The following ADGRV1 variants were observed in gnomAD, a reference collection of about 807,000 sequenced individuals.
ADGRV1 encodes the protein adhesion G protein-coupled receptor V1, also known as G-protein coupled receptor 98.
In ADGRV1, 359 loss-of-function variants were observed where a neutral mutation model predicts 596.2. The observed-to-expected ratio is 0.60, with a 90% CI of 0.55 to 0.66. ADGRV1 has a LOEUF of 0.66. Among genes scored for constraint, ADGRV1 ranks in the 30% least tolerant of loss-of-function variants. The probability of loss-of-function intolerance (pLI) is 0.00; values close to 1 mark genes in which losing one functional copy is unlikely to be tolerated. For synonymous variants in ADGRV1, 2,681 were observed against 2,679.2 expected (o/e 1.00, Z -0.02); for missense variants, 7,274 against 7,575.6 (o/e 0.96, Z 1.48).
At chr5:91,108,349 A>G (rs2126679127) in intron 87 of ADGRV1, among the ~76,000 whole-genome samples, 1 of 152,218 alleles carries the variant, frequency 6.6e-6, no homozygotes. Context: ...GATTTTATCA[A>G]CACCTGTGAC....
chr5:90,845,681 A>G (rs991538325), intron 78 of ADGRV1, among the ~76,000 whole-genome samples: 34 of 152,004 alleles, frequency 2.2e-4, no homozygotes, highest in Non-Finnish European at 1.0e-4. Flanking sequence ...AATTTTCCCT[A>G]GTATAAAAGC....
intron 22 of ADGRV1, among the ~76,000 whole-genome samples, chr5:90,673,802 A>G (rs996765850): frequency 1.5e-4 from 23 of 152,320 alleles, no homozygotes; most frequent in African/African-American, 5.1e-4. Flanking sequence ...ACAGGAGGAT[A>G]AGACATTCAG....
intron 87 of ADGRV1, among the ~76,000 whole-genome samples, chr5:91,133,510 C>T (rs1794385638): frequency 6.6e-6 from 1 of 152,234 alleles, no homozygotes; most frequent in African/African-American, 2.4e-5. Context: ...AGCCACCTCA[C>T]ATCCAGGTTT....
At chr5:90,764,590 C>T (rs907922246) in intron 59 of ADGRV1, among the ~76,000 whole-genome samples, 1 of 152,198 alleles carries the variant, frequency 6.6e-6, no homozygotes, top group Non-Finnish European at 1.5e-5. Flanking sequence ...CCTGCATTTC[C>T]TTTGTCCCAA....
At chr5:90,889,903 CATAA>C (rs961594971) in intron 83 of ADGRV1, among the ~76,000 whole-genome samples, 164 of 152,216 alleles carry the variant, frequency 1.1e-3, no homozygotes, top group African/African-American at 3.9e-3. Context: ...CTTTCTTGCA[CATAA>C]ATAGTTATTC....
chr5:90,672,566 C>G lies in ADGRV1; in HGVS notation c.4773C>G (p.Thr1591=), dbSNP rs1371936834. The change falls in exon 22 of 90, where the codon ACC becomes ACG. Residue 1591 remains threonine (T), a synonymous_variant. Transcript: ENST00000405460. ...TTCAGATTGCAGAGGAGGGATCAACCATTTCTTGTGTGGTTGAGAGAACCA... is the reference window on the plus strand; with the variant it reads ...TTCAGATTGCAGAGGAGGGATCAACGATTTCTTGTGTGGTTGAGAGAACCA... The part of the protein sequence containing the change: ...CIPEIAEEGS[T]ISCVVERTRG... 4 of 1,613,414 alleles carry G rather than the reference C, an allele frequency of 2.5e-6. No homozygotes were observed. Among genetic ancestry groups the G allele is most frequent in the Non-Finnish European group, 3.4e-6 (4 of 1,179,556 alleles).
At chr5:91,096,802 C>G (rs1193038368) in intron 86 of ADGRV1, among the ~76,000 whole-genome samples, 1 of 152,158 alleles carries the variant, frequency 6.6e-6, no homozygotes, top group Non-Finnish European at 1.5e-5. Context: ...GCAACTGTCA[C>G]CACTATCCAT....
At chr5:90,791,964 A>C (rs1407892584) in intron 70 of ADGRV1, 1 of 152,288 alleles carries the variant, frequency 6.6e-6, no homozygotes, top group East Asian at 1.9e-4. Flanking sequence ...AAAGTGATTG[A>C]GTGACTTTTT....
chr5:91,071,003 A>G (rs961037824), intron 85 of ADGRV1, among the ~76,000 whole-genome samples: 13 of 152,202 alleles, frequency 8.5e-5, no homozygotes, highest in Non-Finnish European at 1.5e-5. Flanking sequence ...GAGCTGGAAA[A>G]GCAAGGCAAA....
In ADGRV1 at chr5:90,802,909, C is replaced by G. The variant is rs376450621; in HGVS notation, c.14661+27C>G. 404 of 1,581,022 alleles carry G rather than the reference C, an allele frequency of 2.6e-4. 1 individual carries two copies. The highest frequency in any genetic ancestry group is 3.3e-4 in the Middle Eastern group (2 of 5,984). On this transcript the variant is annotated intron_variant, in intron 71 of 89. Coordinates refer to ENST00000405460, the MANE Select transcript of ADGRV1 (RefSeq NM_032119.4). ...TAATTGGCCCTGTGTGTGGTTCTCT[C>G]AGCAGAACACTAGAGGGCAGCTTTT...
chr5:91,145,760 A>G (rs781654980), intron 87 of ADGRV1, among the ~76,000 whole-genome samples: 1 of 152,156 alleles, frequency 6.6e-6, no homozygotes, highest in Non-Finnish European at 1.5e-5. Context: ...TTTAAAACAT[A>G]TTTTTTTAAC....
At position 90,853,484 on chromosome 5, in the gene ADGRV1, G is replaced by A. The variant is rs1479286980; in HGVS notation, c.17405G>A (p.Ser5802Asn). Residue 5802 changes from serine to asparagine, a missense_variant, in exon 80 of 90, where the codon AGC (serine) becomes AAC (asparagine). Ser to Asn is a conservative substitution (Grantham distance 46). Transcript: ENST00000405460. ...CKLVQFTEYSSQQWFISGNNL... is the reference protein window; with the variant it reads ...CKLVQFTEYSNQQWFISGNNL... ...TTAGTCCAGTTTACAGAGTATAGCA[G>A]CCAACAGTGGTTTATAAGTGGAAAC... is the stretch of plus-strand genomic sequence containing the variant. The A allele has an allele frequency of 1.2e-6, 2 of 1,612,866 alleles. No homozygotes were observed. Among genetic ancestry groups the A allele is most frequent in the Admixed American group, 1.7e-5 (1 of 59,872 alleles).
At chr5:90,630,086 G>A (rs887593469) in intron 9 of ADGRV1, 2 of 151,898 alleles carry the variant, frequency 1.3e-5, no homozygotes, top group Non-Finnish European at 2.9e-5. Flanking sequence ...CAGCCTCCAC[G>A]TCCCAGGTTC....
intron 21 of ADGRV1, among the ~76,000 whole-genome samples, chr5:90,666,409 G>C (rs1353439075): frequency 3.9e-5 from 6 of 151,948 alleles, no homozygotes; most frequent in Non-Finnish European, 7.4e-5. Flanking sequence ...GGTTTAAAGT[G>C]TGTTTTATCA....
intron 85 of ADGRV1, among the ~76,000 whole-genome samples, chr5:91,050,412 T>A (rs918447460): frequency 6.6e-6 from 1 of 152,182 alleles, no homozygotes; most frequent in African/African-American, 2.4e-5. Flanking sequence ...AATGTCCTTA[T>A]CCTATTTTAT....
intron 85 of ADGRV1, among the ~76,000 whole-genome samples, chr5:91,018,493 A>C (rs7709821): frequency 7.8e-4 from 118 of 152,086 alleles, no homozygotes; most frequent in African/African-American, 2.6e-3. Flanking sequence ...CTTGACCTCA[A>C]GTAGTGTTTG....
At chr5:91,063,073 T>C (rs560714923) in intron 85 of ADGRV1, among the ~76,000 whole-genome samples, 6 of 148,358 alleles carry the variant, frequency 4.0e-5, no homozygotes, top group South Asian at 2.2e-4. Context: ...ATCCTCCCAC[T>C]TCACCCTCCG....
intron 77 of ADGRV1, among the ~76,000 whole-genome samples, chr5:90,838,097 G>C (rs1765120709): frequency 6.6e-6 from 1 of 152,068 alleles, no homozygotes; most frequent in Non-Finnish European, 1.5e-5. Flanking sequence ...GTGTGTACTT[G>C]AAATCCTTTC....
chr5:90,644,798 G>A lies in ADGRV1; in HGVS notation c.2827G>A (p.Val943Ile), dbSNP rs1767495739. The change falls in exon 15 of 90, where the codon GTA (valine) becomes ATA (isoleucine). Residue 943 changes from valine to isoleucine, a missense_variant. By Grantham distance (29) the Val-to-Ile change is conservative. Transcript: ENST00000405460. ...SPDFTQDVFP[V>I]QGTVVFGDQE... Reference sequence around the variant, plus strand: ...AGACTTTACACAAGATGTATTTCCTGTACAAGGGACTGTTGTCTTTGGAGA... The same window carrying A: ...AGACTTTACACAAGATGTATTTCCTATACAAGGGACTGTTGTCTTTGGAGA... 1 of 1,611,502 alleles carries A rather than the reference G, an allele frequency of 6.2e-7. No individual in the cohort carries two copies. The highest frequency in any genetic ancestry group is 1.3e-5 in the African/African-American group (1 of 74,854).
Sources: allele counts gnomAD v4.1 joint callset (sites outside exome capture counted in the v4.1 genomes callset), GRCh38; gene constraint gnomAD v4.1.1; transcripts MANE v1.5; gene names NCBI Gene and HGNC (gene_info 2026-07-23, HGNC 2026-07-21).